The following EIPR1 variants were observed in gnomAD, a reference collection of about 807,000 sequenced individuals.
EIPR1 encodes EARP and GARP complex-interacting protein 1.
EIPR1 carries 25 observed loss-of-function variants against 48.1 expected under a neutral mutation model. The observed-to-expected ratio is 0.52, with a 90% CI of 0.38 to 0.73. The LOEUF is 0.73. Among genes scored for constraint, EIPR1 ranks in the 30% least tolerant of loss-of-function variants. The pLI, the probability that EIPR1 is intolerant of heterozygous loss-of-function variation, is 0.00. For missense variants in EIPR1, 415 were observed against 506.2 expected, an observed-to-expected ratio of 0.82 and a Z score of 1.73; for synonymous variants, 204 against 201.9, an observed-to-expected ratio of 1.01 and a Z score of -0.09.
At chr2:3,329,866 C>A (rs1213335427) in intron 3 of EIPR1, among the ~76,000 whole-genome samples, 1 of 134,982 alleles carries the variant, frequency 7.4e-6, no homozygotes, top group African/African-American at 2.8e-5. Flanking sequence ...TCTCTAATGA[C>A]CTCGGGGCAC....
intron 4 of EIPR1, among the ~76,000 whole-genome samples, chr2:3,222,127 G>A (rs538105993): frequency 5.3e-5 from 8 of 152,322 alleles, no homozygotes; most frequent in African/African-American, 9.6e-5. Flanking sequence ...CTGCACTTAA[G>A]AGCAGCATGT....
At chr2:3,237,304 C>T (rs1384833531) in intron 4 of EIPR1, among the ~76,000 whole-genome samples, 1 of 150,510 alleles carries the variant, frequency 6.6e-6, no homozygotes, top group Non-Finnish European at 1.5e-5. Flanking sequence ...TATCCAGTTT[C>T]GCTTTCCACA....
At chr2:3,263,588 A>G (rs1667399383) in intron 3 of EIPR1, among the ~76,000 whole-genome samples, 1 of 152,144 alleles carries the variant, frequency 6.6e-6, no homozygotes, top group African/African-American at 2.4e-5. Context: ...ACATCGCACC[A>G]CCTAGGTGAG....
At chr2:3,196,780 C>G in intron 6 of EIPR1, 101 bp downstream of exon 6, 1 of 1,467,110 alleles carries the variant, frequency 6.8e-7, no homozygotes, top group East Asian at 2.5e-5. Flanking sequence ...AAACCATGCG[C>G]CCCCAAAGGC....
intron 2 of EIPR1, among the ~76,000 whole-genome samples, chr2:3,349,588 T>TGCCAGGAGACGGGGACAGGGAGGAC (rs1451892855): frequency 1.4e-5 from 2 of 147,714 alleles, no homozygotes; most frequent in African/African-American, 2.5e-5. Context: ...ACAGGGAGCA[T>TGCCAGGAGACGGGGACAGGGAGGAC]GCCAGGAGAC....
chr2:3,355,694 TG>T (rs1175160849), intron 1 of EIPR1, among the ~76,000 whole-genome samples: 1 of 151,970 alleles, frequency 6.6e-6, no homozygotes, highest in African/African-American at 2.4e-5. Context: ...TCGTGCCTGT[TG>T]ACTTAGCTGC....
chr2:3,305,980 C>T (rs1435075487), intron 3 of EIPR1, among the ~76,000 whole-genome samples: 2 of 152,240 alleles, frequency 1.3e-5, no homozygotes, highest in Non-Finnish European at 2.9e-5. Flanking sequence ...GCTGCTTCCC[C>T]CCTTTCTACT....
chr2:3,361,767 ACGGG>A (rs1455985612), intron 1 of EIPR1, among the ~76,000 whole-genome samples: 20 of 149,106 alleles, frequency 1.3e-4, no homozygotes, highest in South Asian at 2.1e-4. Flanking sequence ...ACTCCCTCAC[ACGGG>A]CACCTCCACC....
At chr2:3,323,589 T>A (rs1355610955) in intron 3 of EIPR1, among the ~76,000 whole-genome samples, 1 of 152,134 alleles carries the variant, frequency 6.6e-6, no homozygotes, top group African/African-American at 2.4e-5. Context: ...TCAGCCTCCA[T>A]GAACCAAGCC....
At chr2:3,335,375 C>T (rs1285735183) in intron 3 of EIPR1, among the ~76,000 whole-genome samples, 2 of 152,096 alleles carry the variant, frequency 1.3e-5, no homozygotes, top group Non-Finnish European at 2.9e-5. Context: ...AAAAGCAGAG[C>T]TTGCCTGGAA....
intron 1 of EIPR1, among the ~76,000 whole-genome samples, chr2:3,362,511 A>T (rs1670874536): frequency 6.6e-6 from 1 of 152,160 alleles, no homozygotes; most frequent in Admixed American, 6.5e-5. Context: ...TATCAAGTCA[A>T]ATCTGGACTT....
chr2:3,299,620 T>A (rs1408444721), intron 3 of EIPR1, among the ~76,000 whole-genome samples: 179 of 121,416 alleles, frequency 1.5e-3, no homozygotes, highest in African/African-American at 4.3e-3. Flanking sequence ...TCTCTCTCTC[T>A]CTCTCACACA....
At chr2:3,256,658 T>A (rs1667165757) in intron 4 of EIPR1, among the ~76,000 whole-genome samples, 1 of 152,244 alleles carries the variant, frequency 6.6e-6, no homozygotes, top group South Asian at 2.1e-4. Flanking sequence ...AACAACAGTA[T>A]GCCCCCGCAA....
Position 3,351,618 on chromosome 2 carries a change from G to A in EIPR1, c.126+2932C>T, listed in dbSNP as rs558052621. On this transcript the variant is annotated intron_variant, in intron 2 of 8. Coordinates refer to ENST00000382125, the MANE Select transcript of EIPR1 (RefSeq NM_003310.5). ...AAACCACAGGCCATCTTCATGGTGGGTCCTCCTTCCTTTTCAGGTGGCCAC... is the reference window on the plus strand; with the variant it reads ...AAACCACAGGCCATCTTCATGGTGGATCCTCCTTCCTTTTCAGGTGGCCAC... 1.6e-4 allele frequency among the ~76,000 whole-genome samples: 24 copies of A among 152,244 alleles called. No individual in the cohort carries two copies. The South Asian group carries it at 5.0e-3, about 32-fold the overall frequency.
At chr2:3,264,275 C>T (rs1667421977) in intron 3 of EIPR1, among the ~76,000 whole-genome samples, 1 of 152,208 alleles carries the variant, frequency 6.6e-6, no homozygotes, top group Non-Finnish European at 1.5e-5. Flanking sequence ...CCACTCAAGA[C>T]CTCTAGGTTC....
At chr2:3,347,065 C>T (rs531544312) in intron 2 of EIPR1, among the ~76,000 whole-genome samples, 86 of 152,296 alleles carry the variant, frequency 5.6e-4, no homozygotes, top group African/African-American at 1.2e-3. Context: ...TCTTTGCTCC[C>T]GCCCTCGCCA....
rs145822767 is a variant in EIPR1 at position 3,210,456 on chromosome 2, T to C, written c.516+3693A>G. On this transcript the variant is annotated intron_variant, in intron 5 of 8. Transcript: ENST00000382125. The stretch of plus-strand genomic sequence containing the variant: ...TGCCACAGAGGACAATGGACAGACA[T>C]TGGGACAAGGAGCTGTCCCTGAACA... Among the ~76,000 whole-genome samples the C allele has an allele frequency of 8.0e-3, 1,212 of 152,074 alleles. 35 individuals carry two copies. Among genetic ancestry groups the C allele is most frequent in the Admixed American group, 0.057 (866 of 15,274 alleles).
At chr2:3,193,196 C>T (rs1055159572) in intron 7 of EIPR1, among the ~76,000 whole-genome samples, 2 of 152,232 alleles carry the variant, frequency 1.3e-5, no homozygotes, top group African/African-American at 4.8e-5. Flanking sequence ...GGAGGCCCAG[C>T]CACTCAGACC....
At chr2:3,333,480 G>A (rs1035974309) in intron 3 of EIPR1, among the ~76,000 whole-genome samples, 1 of 152,138 alleles carries the variant, frequency 6.6e-6, no homozygotes, top group Non-Finnish European at 1.5e-5. Context: ...GCTCACAGCT[G>A]TAATCCCAGT....
Sources: allele counts gnomAD v4.1 joint callset (sites outside exome capture counted in the v4.1 genomes callset), GRCh38; gene constraint gnomAD v4.1.1; transcripts MANE v1.5; gene names NCBI Gene and HGNC (gene_info 2026-07-23, HGNC 2026-07-21).